The following GAB2 variants were observed in gnomAD, a reference collection of about 807,000 sequenced individuals.
The protein encoded by GAB2 is GRB2-associated-binding protein 2.
GAB2 carries 26 observed loss-of-function variants against 65.5 expected under a neutral mutation model. The observed-to-expected ratio is 0.40, with a 90% CI of 0.29 to 0.55. The LOEUF (loss-of-function observed/expected upper bound fraction) is 0.55. GAB2 is among the 20% of genes least tolerant of loss of function. The probability of loss-of-function intolerance (pLI) is 0.53; values close to 1 mark genes in which losing one functional copy is unlikely to be tolerated. For synonymous variants in GAB2, 321 were observed against 329.6 expected, an observed-to-expected ratio of 0.97 and a Z score of 0.28; for missense variants, 884 against 875.8, an observed-to-expected ratio of 1.01 and a Z score of -0.12.
chr11:78,284,797 C>T (rs1249273849), intron 1 of GAB2, among the ~76,000 whole-genome samples: 1 of 152,066 alleles, frequency 6.6e-6, no homozygotes, highest in African/African-American at 2.4e-5. Flanking sequence ...AAGTAAACTC[C>T]TCCAGGACAA....
intron 1 of GAB2, among the ~76,000 whole-genome samples, chr11:78,288,931 C>T (rs1273137400): frequency 6.6e-6 from 1 of 152,186 alleles, no homozygotes; most frequent in Non-Finnish European, 1.5e-5. Context: ...TATATAGCTA[C>T]AACAATCAAG....
At chr11:78,326,622 T>C (rs1855826765) in intron 1 of GAB2, among the ~76,000 whole-genome samples, 1 of 152,236 alleles carries the variant, frequency 6.6e-6, no homozygotes, top group Non-Finnish European at 1.5e-5. Context: ...GTTGCTTCCA[T>C]GAATTTGTGT....
chr11:78,382,439 C>T (rs139277116), intron 1 of GAB2, among the ~76,000 whole-genome samples: 246 of 150,808 alleles, frequency 1.6e-3, no homozygotes, highest in African/African-American at 5.7e-3. Flanking sequence ...AGTGCAGTGG[C>T]GGGATCTCGG....
intron 1 of GAB2, among the ~76,000 whole-genome samples, chr11:78,328,887 G>A (rs1296233031): frequency 6.6e-6 from 1 of 152,036 alleles, no homozygotes; most frequent in Non-Finnish European, 1.5e-5. Flanking sequence ...ACATCTCAAA[G>A]AACACTTCAG....
chr11:78,253,844 A>G (rs555724600), intron 2 of GAB2, among the ~76,000 whole-genome samples: 2 of 152,366 alleles, frequency 1.3e-5, no homozygotes, highest in Non-Finnish European at 2.9e-5. Context: ...ATTATTCCTC[A>G]GTAACATTCA....
At chr11:78,245,950 CTTTTTTT>C (rs59178035) in intron 3 of GAB2, among the ~76,000 whole-genome samples, 1 of 145,174 alleles carries the variant, frequency 6.9e-6, no homozygotes, top group East Asian at 2.0e-4. Flanking sequence ...TTCTTTTTTT[CTTTTTTT>C]TTTTTGAGAC....
chr11:78,320,165 C>T (rs1281367002), intron 1 of GAB2, among the ~76,000 whole-genome samples: 1 of 152,166 alleles, frequency 6.6e-6, no homozygotes, highest in Non-Finnish European at 1.5e-5. Flanking sequence ...GCCACTGCGC[C>T]CAGGTGAGAA....
Position 78,299,303 on chromosome 11 carries a change from C to T in GAB2, c.76-18402G>A, listed in dbSNP as rs1052573861. 3.9e-5 allele frequency among the ~76,000 whole-genome samples: 6 copies of T among 152,122 alleles called. No homozygotes were observed. The East Asian group carries it at 5.8e-4, about 15-fold the overall frequency. The stretch of plus-strand genomic sequence containing the variant: ...CTCTGGGCCATTTCCTCATCTATAA[C>T]GTACAAGTGTTGACTTTATTATTGT... On this transcript the variant is annotated intron_variant, in intron 1 of 9. Coordinates refer to ENST00000361507, the MANE Select transcript of GAB2 (RefSeq NM_080491.3).
intron 1 of GAB2, among the ~76,000 whole-genome samples, chr11:78,373,966 G>A (rs1457051337): frequency 6.6e-6 from 1 of 152,186 alleles, no homozygotes; most frequent in Non-Finnish European, 1.5e-5. Context: ...AATTAGTTCT[G>A]CTAAGTGAAG....
chr11:78,337,029 T>C lies in GAB2; in HGVS notation c.76-56128A>G, dbSNP rs148757500. 1.6e-3 allele frequency among the ~76,000 whole-genome samples: 248 copies of C among 152,344 alleles called. 2 individuals are homozygous for C. Among genetic ancestry groups the C allele is most frequent in the African/African-American group, 5.6e-3 (234 of 41,590 alleles). On this transcript the variant is annotated intron_variant, in intron 1 of 9. Coordinates refer to ENST00000361507, the MANE Select transcript of GAB2 (RefSeq NM_080491.3). ...TCCAGCATCTACCTACCTTTGACTA[T>C]GGACTTCTGAAGACTATAGTACTAG...
Position 78,350,764 on chromosome 11 carries a change from T to TC in GAB2, c.75+66881dup, listed in dbSNP as rs1454957172. On this transcript the variant is annotated intron_variant, in intron 1 of 9. Coordinates refer to ENST00000361507, the MANE Select transcript of GAB2 (RefSeq NM_080491.3). ...GCAATTTTACTAAAGCTCCTTTGCT[T>TC]CCCCTTCACACACGTTAAGAATTCA... Among the ~76,000 whole-genome samples the TC allele has an allele frequency of 2.4e-4, 37 of 152,178 alleles. 1 individual carries two copies. The highest frequency in any genetic ancestry group is 1.0e-4 in the Non-Finnish European group (7 of 68,036).
chr11:78,270,245 T>C (rs1165430757), intron 2 of GAB2, among the ~76,000 whole-genome samples: 1 of 151,672 alleles, frequency 6.6e-6, no homozygotes, highest in Non-Finnish European at 1.5e-5. Context: ...GAGAATCGCC[T>C]GAACCCGGGA....
At chr11:78,317,929 G>T (rs543287678) in intron 1 of GAB2, among the ~76,000 whole-genome samples, 6 of 152,098 alleles carry the variant, frequency 3.9e-5, no homozygotes, top group Non-Finnish European at 5.9e-5. Context: ...ACACATTGAA[G>T]GTAAAAGAAC....
intron 1 of GAB2, among the ~76,000 whole-genome samples, chr11:78,356,184 A>AAG (rs1341446786): frequency 2.1e-5 from 3 of 143,920 alleles, no homozygotes; most frequent in East Asian, 2.1e-4. Context: ...AAAAAAAAGA[A>AAG]AAAAAAAAAA....
intron 1 of GAB2, among the ~76,000 whole-genome samples, chr11:78,400,030 CTGAG>C (rs1167473727): frequency 6.6e-6 from 1 of 152,194 alleles, no homozygotes; most frequent in Non-Finnish European, 1.5e-5. Context: ...GAAAGACTCA[CTGAG>C]TTAGTGATGC....
At chr11:78,260,769 G>T (rs909484309) in intron 2 of GAB2, among the ~76,000 whole-genome samples, 3 of 152,300 alleles carry the variant, frequency 2.0e-5, no homozygotes, top group Admixed American at 2.0e-4. Context: ...ACCGCGCCCA[G>T]TCTATGCCTT....
Position 78,226,468 on chromosome 11 carries a change from G to C in GAB2, c.1204C>G (p.Arg402Gly). ...CTCAGCTAGGACTTATACTGACCTC[G>C]GTGAAGTCGGCTGTTGTCCATTGCA... ...LPAMDNSRLH[R>G]ASSCETYEYP... The change falls in exon 4 of 10, where the codon CGA (arginine) becomes GGA (glycine). Residue 402 changes from arginine to glycine, a missense_variant. Arg to Gly is a moderately radical substitution (Grantham distance 125). Coordinates refer to ENST00000361507, the MANE Select transcript of GAB2 (RefSeq NM_080491.3). The C allele has an allele frequency of 6.2e-7, 1 of 1,611,172 alleles. No individual in the cohort carries two copies. The highest frequency in any genetic ancestry group is 2.2e-5 in the East Asian group (1 of 44,858).
At chr11:78,238,645 C>G (rs1170864168) in intron 3 of GAB2, among the ~76,000 whole-genome samples, 1 of 151,176 alleles carries the variant, frequency 6.6e-6, no homozygotes, top group Non-Finnish European at 1.5e-5. Context: ...CAAAATGGAT[C>G]AAAGACCTAA....
At chr11:78,353,056 T>C (rs901265221) in intron 1 of GAB2, among the ~76,000 whole-genome samples, 3 of 152,172 alleles carry the variant, frequency 2.0e-5, no homozygotes, top group Non-Finnish European at 4.4e-5. Context: ...CCTCAAAAAG[T>C]GGTCCCCATA....
Sources: gnomAD v4.1 joint callset for allele counts (sites outside exome capture counted in the v4.1 genomes callset) on GRCh38, gnomAD v4.1.1 for gene constraint, MANE v1.5 for transcripts, NCBI Gene and HGNC (gene_info 2026-07-23, HGNC 2026-07-21) for gene names.